Variants in CAPN13 observed in about 807,000 individuals in gnomAD.
The protein encoded by CAPN13 is calpain-13.
Under a neutral mutation model 98.4 loss-of-function variants are expected in CAPN13, and 90 were observed. That is an observed-to-expected ratio of 0.92 (90% CI 0.77 to 1.09). CAPN13 has a LOEUF of 1.09. Among genes scored for constraint, CAPN13 ranks in the 50% least tolerant of loss-of-function variants. The probability of loss-of-function intolerance (pLI) is 0.00; values close to 1 mark genes in which losing one functional copy is unlikely to be tolerated. For missense variants in CAPN13, 887 were observed against 841.3 expected (o/e 1.05, Z -0.67); for synonymous variants, 330 against 305.5 (o/e 1.08, Z -0.84).
rs1558347236 is a variant in CAPN13, at chr2:30,796,146, A to ATATATATATACATATATATGTGTGTG, written c.-32-8790_-32-8789insCACACACATATATATGTATATATATA. Among the ~76,000 whole-genome samples, 5 of 144,572 alleles carry ATATATATATACATATATATGTGTGTG rather than the reference A, an allele frequency of 3.5e-5. No individual in the cohort carries two copies. The East Asian group carries it at 9.9e-4, about 29-fold the overall frequency. The allele number at this position is 144,572 out of a possible 152,430, so 94.8% of individuals were successfully genotyped here. A position where few individuals can be genotyped will look rare whatever the true frequency, so the allele number is the denominator to read the frequency against. On this transcript the variant is annotated intron_variant, in intron 1 of 22. Transcript: ENST00000295055. ...GAGAATTACATATATATATGTGTGT[A>ATATATATATACATATATATGTGTGTG]TATATATATATACATATATATGTGT...
chr2:30,787,111 G>C lies in CAPN13; in HGVS notation c.198+17C>G, dbSNP rs1915125. 0.86 allele frequency: 1,319,823 copies of C among 1,541,842 alleles called. 565,999 individuals carry two copies. Among genetic ancestry groups the C allele is most frequent in the South Asian group, 0.93 (76,244 of 81,560 alleles). On this transcript the variant is annotated intron_variant, in intron 2 of 22. Transcript: ENST00000295055. ...GAGGACCCTGGAGCTGGGTATGCTCGTGTGGGGCTCACTCACCTGTGGCCG... is the reference window on the plus strand; with the variant it reads ...GAGGACCCTGGAGCTGGGTATGCTCCTGTGGGGCTCACTCACCTGTGGCCG...
chr2:30,731,657 T>G (rs750868702), intron 20 of CAPN13, among the ~76,000 whole-genome samples: 1 of 152,180 alleles, frequency 6.6e-6, no homozygotes, highest in Non-Finnish European at 1.5e-5. Context: ...CCAGCTTCCT[T>G]GCACTCCCTG....
At chr2:30,781,190 T>A (rs1673967353) in intron 2 of CAPN13, among the ~76,000 whole-genome samples, 1 of 152,220 alleles carries the variant, frequency 6.6e-6, no homozygotes, top group African/African-American at 2.4e-5. Context: ...AGTTGACCGA[T>A]TTGTTCCAGG....
In CAPN13 at chr2:30,734,477, C is replaced by T. The variant is rs767079030; in HGVS notation, c.1770G>A (p.Ser590=). The T allele has an allele frequency of 2.6e-5, 42 of 1,613,792 alleles. 1 individual carries two copies. The Middle Eastern group carries it at 1.2e-3, about 44-fold the overall frequency. The change falls in exon 19 of 23, where the codon TCG becomes TCA. Residue 590 remains serine, a synonymous_variant. Coordinates refer to ENST00000295055, the MANE Select transcript of CAPN13 (RefSeq NM_144575.3). Reference sequence around the variant, plus strand: ...TATTCTCTATGGCCTTCCACAAGTCCGAGCTCAGGAGGACTCCAGGGCTTG... The same window carrying T: ...TATTCTCTATGGCCTTCCACAAGTCTGAGCTCAGGAGGACTCCAGGGCTTG... The part of the protein sequence containing the change: ...VQTSPGVLLS[S]DLWKAIENTD...
intron 2 of CAPN13, among the ~76,000 whole-genome samples, chr2:30,778,259 CAT>C (rs1440561260): frequency 1.3e-5 from 2 of 152,200 alleles, no homozygotes; most frequent in Non-Finnish European, 2.9e-5. Context: ...TTCTAACACA[CAT>C]AGTGCCTGCC....
At chr2:30,736,611 G>A (rs1671380254) in intron 17 of CAPN13, 40 bp from the exon 18 acceptor site, 1 of 1,588,378 alleles carries the variant, frequency 6.3e-7, no homozygotes, top group Non-Finnish European at 8.6e-7. Flanking sequence ...AGCGTGCAAG[G>A]TGCAGAGGGG....
chr2:30,729,063 A>C (rs1186656547), intron 22 of CAPN13, among the ~76,000 whole-genome samples: 2 of 152,346 alleles, frequency 1.3e-5, no homozygotes, highest in Non-Finnish European at 2.9e-5. Flanking sequence ...AGAAGACAGA[A>C]GAGAGAATTC....
intron 11 of CAPN13, among the ~76,000 whole-genome samples, chr2:30,748,902 G>A (rs1386289986): frequency 1.3e-5 from 2 of 152,058 alleles, no homozygotes; most frequent in Admixed American, 6.5e-5. Context: ...AGCAGAACAC[G>A]AAAGCTCTCC....
At chr2:30,730,694 C>A (rs1042117908) in intron 22 of CAPN13, 36 bp downstream of exon 22, 1 of 778,658 alleles carries the variant, frequency 1.3e-6, no homozygotes, top group Non-Finnish European at 2.4e-6. Context: ...ACTCATGCTC[C>A]CAGGAGGGAA....
intron 1 of CAPN13, among the ~76,000 whole-genome samples, chr2:30,806,503 T>G (rs1305849478): frequency 6.6e-6 from 1 of 152,194 alleles, no homozygotes; most frequent in Non-Finnish European, 1.5e-5. Context: ...GAAAGTCTAG[T>G]TAATGCCACT....
At chr2:30,735,516 G>T (rs896836801) in intron 18 of CAPN13, among the ~76,000 whole-genome samples, 47 of 152,312 alleles carry the variant, frequency 3.1e-4, no homozygotes, top group African/African-American at 1.1e-3. Context: ...AATTTCTTCA[G>T]TCATTGATTC....
intron 10 of CAPN13, 76 bp downstream of exon 10, chr2:30,752,977 A>C (rs1672253748): frequency 1.3e-6 from 2 of 1,502,040 alleles, no homozygotes; most frequent in African/African-American, 2.7e-5. Flanking sequence ...GACCAGAGAG[A>C]GCTGAAGCCA....
At chr2:30,746,599 G>T in intron 11 of CAPN13, 2 of 199,514 alleles carry the variant, frequency 1.0e-5, no homozygotes, top group South Asian at 1.9e-4. Flanking sequence ...CCATGCTTGT[G>T]GATAGATTTG....
intron 8 of CAPN13, among the ~76,000 whole-genome samples, chr2:30,756,180 G>A (rs1400595478): frequency 6.6e-6 from 1 of 152,138 alleles, no homozygotes; most frequent in Non-Finnish European, 1.5e-5. Context: ...GCCCATGCCT[G>A]CAGGGGATAA....
At chr2:30,736,462 G>A (rs752048605) in intron 18 of CAPN13, 41 bp downstream of exon 18, 2 of 1,597,284 alleles carry the variant, frequency 1.3e-6, no homozygotes, top group Admixed American at 1.7e-5. Flanking sequence ...CTTGCTAACT[G>A]GACAGAATGA....
intron 1 of CAPN13, among the ~76,000 whole-genome samples, chr2:30,797,744 T>A (rs145199123): frequency 6.6e-6 from 1 of 152,308 alleles, no homozygotes; most frequent in Non-Finnish European, 1.5e-5. Context: ...GTTCCAGAGT[T>A]GTGTTCTTTC....
intron 22 of CAPN13, among the ~76,000 whole-genome samples, chr2:30,724,805 C>T (rs72865490): frequency 2.6e-5 from 4 of 152,012 alleles, no homozygotes; most frequent in Admixed American, 1.3e-4. Flanking sequence ...AGTCTTCAAC[C>T]GAACATCTAG....
chr2:30,799,936 T>C (rs1245210704), intron 1 of CAPN13, among the ~76,000 whole-genome samples: 2 of 151,582 alleles, frequency 1.3e-5, no homozygotes, highest in East Asian at 1.9e-4. Context: ...TAGCCAGGTG[T>C]GGTGGCAGAC....
intron 3 of CAPN13, among the ~76,000 whole-genome samples, chr2:30,776,970 A>G (rs1006046343): frequency 6.6e-6 from 1 of 152,244 alleles, no homozygotes; most frequent in African/African-American, 2.4e-5. Flanking sequence ...TATCATCGGC[A>G]AGCTGACGTT....
Sources: allele counts gnomAD v4.1 joint callset (sites outside exome capture counted in the v4.1 genomes callset), GRCh38; gene constraint gnomAD v4.1.1; transcripts MANE v1.5; gene names NCBI Gene and HGNC (gene_info 2026-07-23, HGNC 2026-07-21).